SLC9B2: variants seen among roughly 807,000 people sequenced by gnomAD.
SLC9B2 encodes solute carrier family 9 member B2, also known as sodium/hydrogen exchanger 9B2.
SLC9B2 carries 39 observed loss-of-function variants against 52.2 expected under a neutral mutation model. The ratio of observed to expected loss-of-function variants is 0.75; its 90% CI spans 0.58 to 0.98. The LOEUF is 0.98. SLC9B2 is among the 50% of genes least tolerant of loss of function. SLC9B2 has a pLI of 0.00. For missense variants in SLC9B2, 626 were observed against 637.5 expected (o/e 0.98, Z 0.19); for synonymous variants, 214 against 227.0 (o/e 0.94, Z 0.51).
Position 103,031,778 on chromosome 4 carries a change from A to G in SLC9B2, c.1177T>C (p.Trp393Arg). ...AEVEKIIAVA[W>R]DIFQPLLFGL... ...AAAAGAAGGGGCTGAAAAATGTCCCAGGCAACTGCAATTATCTTTTCAACC... is the reference window on the plus strand; with the variant it reads ...AAAAGAAGGGGCTGAAAAATGTCCCGGGCAACTGCAATTATCTTTTCAACC... Residue 393 changes from tryptophan (W) to arginine (R), a missense_variant, in exon 10 of 12, where the codon TGG becomes CGG. Coordinates refer to ENST00000394785, the MANE Select transcript of SLC9B2 (RefSeq NM_178833.7). The G allele has an allele frequency of 6.2e-7, 1 of 1,612,810 alleles. No individual in the cohort carries two copies. The highest frequency in any genetic ancestry group is 8.5e-7 in the Non-Finnish European group (1 of 1,179,216).
At chr4:103,028,281 A>G (rs1742400248) in intron 11 of SLC9B2, among the ~76,000 whole-genome samples, 1 of 152,150 alleles carries the variant, frequency 6.6e-6, no homozygotes, top group Admixed American at 6.6e-5. Context: ...TTTTCAATAA[A>G]TCTTTTCTCC....
downstream of SLC9B2, chr4:103,020,253 G>GTTTTTTTT: frequency 2.6e-5 from 10 of 387,874 alleles, no homozygotes; most frequent in East Asian, 7.7e-5. Flanking sequence ...ACCTTTGTGA[G>GTTTTTTTT]TTTTTTTTTT....
chr4:103,030,355 G>A (rs1372397491), intron 10 of SLC9B2, among the ~76,000 whole-genome samples: 2 of 152,232 alleles, frequency 1.3e-5, no homozygotes, highest in Non-Finnish European at 2.9e-5. Flanking sequence ...CTGGGAAATA[G>A]GAAGTTTAAG....
intron 1 of SLC9B2, among the ~76,000 whole-genome samples, chr4:103,073,910 C>T (rs973190271): frequency 1.3e-5 from 2 of 152,244 alleles, no homozygotes; most frequent in Non-Finnish European, 2.9e-5. Flanking sequence ...TAGGACCCTT[C>T]TCCCGCCCTA....
chr4:103,045,928 C>G (rs2110608365), intron 7 of SLC9B2, among the ~76,000 whole-genome samples: 1 of 152,182 alleles, frequency 6.6e-6, no homozygotes, highest in Admixed American at 6.5e-5. Context: ...GTGGTAAGAA[C>G]ATAAATTTGG....
chr4:103,034,557 A>G (rs954364331), intron 9 of SLC9B2, among the ~76,000 whole-genome samples: 1 of 152,236 alleles, frequency 6.6e-6, no homozygotes, highest in African/African-American at 2.4e-5. Flanking sequence ...CATGCATCTG[A>G]CAAAGGTCTA....
intron 4 of SLC9B2, among the ~76,000 whole-genome samples, chr4:103,051,180 T>A (rs965022641): frequency 1.3e-5 from 2 of 152,166 alleles, no homozygotes; most frequent in Admixed American, 1.3e-4. Flanking sequence ...AAAGAAAAAG[T>A]GACTCATTCT....
rs532054378 is a variant in SLC9B2, at chr4:103,040,934, C to T, written c.1146+2362G>A. Among the ~76,000 whole-genome samples the T allele has an allele frequency of 3.6e-4, 55 of 152,244 alleles. No individual in the cohort carries two copies. The South Asian group carries it at 0.011, about 31-fold the overall frequency. On this transcript the variant is annotated intron_variant, in intron 9 of 11. Transcript: ENST00000394785. The stretch of plus-strand genomic sequence containing the variant: ...CAGAAATTTGTAGTAGGGCCCAGAA[C>T]TCAAATTTAACAATCCTTCTAGGTA...
At chr4:103,048,846 C>T (rs1744403020) in intron 6 of SLC9B2, 47 bp downstream of exon 6, 1 of 1,602,296 alleles carries the variant, frequency 6.2e-7, no homozygotes, top group Non-Finnish European at 8.5e-7. Context: ...CAGGGAAAGC[C>T]CTAAATGTCC....
intron 3 of SLC9B2, among the ~76,000 whole-genome samples, chr4:103,058,735 C>T (rs1578472239): frequency 6.6e-6 from 1 of 151,996 alleles, no homozygotes; most frequent in African/African-American, 2.4e-5. Flanking sequence ...TATCCTGCTG[C>T]CTAAAGCATT....
rs1293701351 is a variant in SLC9B2, at chr4:103,076,307, G to A, written c.-166C>T. On this transcript the variant is annotated 5_prime_UTR_variant, in exon 1 of 12. Transcript: ENST00000394785. ...GGTTCCCGATTCGCGCATCTTCCCA[G>A]GCTGAGCCGGGAGGCTGCGTTGACT... 1 of 152,412 alleles carries A rather than the reference G, an allele frequency of 6.6e-6. No individual in the cohort carries two copies. The highest frequency in any genetic ancestry group is 2.4e-5 in the African/African-American group (1 of 41,484). The allele number at this position is 152,412 out of a possible 1,614,324, so 9.4% of individuals were successfully genotyped here. A position where few individuals can be genotyped will look rare whatever the true frequency, so the allele number is the denominator to read the frequency against.
In SLC9B2 at chr4:103,039,753, T is replaced by C. The variant is rs145869390; in HGVS notation, c.1146+3543A>G. On this transcript the variant is annotated intron_variant, in intron 9 of 11. Coordinates refer to ENST00000394785, the MANE Select transcript of SLC9B2 (RefSeq NM_178833.7). The stretch of plus-strand genomic sequence containing the variant: ...ACCTCCGCCTGCCAGGTTCAAGCAA[T>C]TCTCTGCCTCAGCCTCCCGAGTAGC... 9.7e-4 allele frequency among the ~76,000 whole-genome samples: 146 copies of C among 151,006 alleles called. 1 individual carries two copies. Among genetic ancestry groups the C allele is most frequent in the Non-Finnish European group, 1.7e-3 (113 of 67,814 alleles).
At chr4:103,042,102 A>T (rs1743695133) in intron 9 of SLC9B2, 1 of 152,108 alleles carries the variant, frequency 6.6e-6, no homozygotes, top group Non-Finnish European at 1.5e-5. Context: ...TACACTGTTG[A>T]TATGAGAATG....
At chr4:103,062,065 A>G (rs1019473736) in intron 3 of SLC9B2, among the ~76,000 whole-genome samples, 2 of 152,214 alleles carry the variant, frequency 1.3e-5, no homozygotes, top group Admixed American at 1.3e-4. Flanking sequence ...ATTATACTAA[A>G]TTATACTTTA....
chr4:103,069,388 C>T (rs757048090), intron 1 of SLC9B2, among the ~76,000 whole-genome samples: 1 of 152,172 alleles, frequency 6.6e-6, no homozygotes, highest in Non-Finnish European at 1.5e-5. Context: ...GGGCTGGGTT[C>T]GAATTTGGAT....
At chr4:103,040,676 A>G (rs1187790390) in intron 9 of SLC9B2, among the ~76,000 whole-genome samples, 2 of 152,228 alleles carry the variant, frequency 1.3e-5, no homozygotes, top group African/African-American at 2.4e-5. Context: ...AAGACCTACC[A>G]AAGAAAAAGA....
chr4:103,058,110 C>A, intron 3 of SLC9B2, 139 bp from the exon 4 acceptor site: 1 of 820,256 alleles, frequency 1.2e-6, no homozygotes, highest in Non-Finnish European at 1.9e-6. Context: ...TAAAGAGTAT[C>A]AGTAAGATGA....
intron 10 of SLC9B2, among the ~76,000 whole-genome samples, chr4:103,031,359 C>T (rs565713313): frequency 2.6e-5 from 4 of 152,196 alleles, no homozygotes; most frequent in South Asian, 2.1e-4. Context: ...TTAAAATTCT[C>T]GCTCTTGTTC....
downstream of SLC9B2, among the ~76,000 whole-genome samples, chr4:103,018,082 C>G (rs765865893): frequency 2.0e-5 from 3 of 152,154 alleles, no homozygotes; most frequent in Non-Finnish European, 2.9e-5. Context: ...GTTCCAGGTA[C>G]TATTCAATCT....
Sources: gnomAD v4.1 joint callset for allele counts (sites outside exome capture counted in the v4.1 genomes callset) on GRCh38, gnomAD v4.1.1 for gene constraint, MANE v1.5 for transcripts, NCBI Gene and HGNC (gene_info 2026-07-23, HGNC 2026-07-21) for gene names.